CSMD1: variants seen among roughly 807,000 people sequenced by gnomAD.
CSMD1 encodes the protein CUB and sushi domain-containing protein 1.
CSMD1 carries 213 observed loss-of-function variants against 417.5 expected under a neutral mutation model. That is an observed-to-expected ratio of 0.51 (90% CI 0.46 to 0.57). CSMD1 has a LOEUF of 0.57. Ranked by LOEUF, CSMD1 falls within the 20% of genes least tolerant of loss-of-function variation. CSMD1 has a pLI of 0.00. For synonymous variants in CSMD1, 2,862 were observed against 1,736.8 expected (o/e 1.65, Z -16.11); for missense variants, 6,923 against 4,529.7 (o/e 1.53, Z -15.17).
intron 1 of CSMD1, among the ~76,000 whole-genome samples, chr8:4,730,592 T>A (rs1316257737): frequency 6.6e-6 from 1 of 151,834 alleles, no homozygotes; most frequent in African/African-American, 2.4e-5. Flanking sequence ...TACAAAAAAA[T>A]TAGCCGGGCG....
intron 1 of CSMD1, among the ~76,000 whole-genome samples, chr8:4,683,874 T>C (rs1806198356): frequency 6.6e-6 from 1 of 152,234 alleles, no homozygotes; most frequent in South Asian, 2.1e-4. Context: ...GGATCACTAA[T>C]TGTCAAGAAC....
intron 6 of CSMD1, among the ~76,000 whole-genome samples, chr8:3,730,201 G>C: frequency 6.6e-6 from 1 of 152,032 alleles, no homozygotes; most frequent in East Asian, 1.9e-4. Context: ...GGTAGGCAGA[G>C]AATGAGGCTT....
intron 2 of CSMD1, among the ~76,000 whole-genome samples, chr8:4,458,119 T>C (rs993598098): frequency 6.9e-6 from 1 of 144,652 alleles, no homozygotes; most frequent in Admixed American, 6.7e-5. Flanking sequence ...CATGAAACTT[T>C]CTGTGTTTAA....
intron 1 of CSMD1, among the ~76,000 whole-genome samples, chr8:4,835,298 G>T (rs909442502): frequency 6.6e-6 from 1 of 152,162 alleles, no homozygotes; most frequent in Non-Finnish European, 1.5e-5. Context: ...CGGAGATTAC[G>T]TTTGAAAAGA....
intron 23 of CSMD1, among the ~76,000 whole-genome samples, chr8:3,340,368 C>A (rs771395345): frequency 6.6e-6 from 1 of 152,084 alleles, no homozygotes; most frequent in Admixed American, 6.6e-5. Context: ...TGTTTGTACC[C>A]ATTTCTAAAA....
chr8:3,187,856 G>C lies in CSMD1; in HGVS notation c.5620+13C>G. The C allele has an allele frequency of 6.2e-7, 1 of 1,602,786 alleles. No homozygotes were observed. The highest frequency in any genetic ancestry group is 8.5e-7 in the Non-Finnish European group (1 of 1,170,960). The stretch of plus-strand genomic sequence containing the variant: ...TTTGAGTCACACAGGTGAGGAAATT[G>C]ACTCCATCTTACCTGAGAAGCTTCC... On this transcript the variant is annotated intron_variant, in intron 36 of 69. Transcript: ENST00000635120.
chr8:4,839,044 G>C (rs1563551422), intron 1 of CSMD1, among the ~76,000 whole-genome samples: 1 of 152,016 alleles, frequency 6.6e-6, no homozygotes, highest in Non-Finnish European at 1.5e-5. Flanking sequence ...TTTTGGAATT[G>C]GTTTTTTGCC....
chr8:3,897,329 G>A (rs979573398), intron 5 of CSMD1, among the ~76,000 whole-genome samples: 1 of 152,118 alleles, frequency 6.6e-6, no homozygotes, highest in Non-Finnish European at 1.5e-5. Flanking sequence ...ACTTGGGTCA[G>A]GTTTCTCTTA....
At chr8:3,681,633 C>T (rs983542611) in intron 7 of CSMD1, among the ~76,000 whole-genome samples, 2 of 152,156 alleles carry the variant, frequency 1.3e-5, no homozygotes, top group Admixed American at 6.5e-5. Context: ...TTTATAGATT[C>T]AATGCCATCC....
chr8:4,559,739 T>C (rs1358791117), intron 2 of CSMD1, among the ~76,000 whole-genome samples: 23 of 152,378 alleles, frequency 1.5e-4, no homozygotes, highest in Non-Finnish European at 1.8e-4. Flanking sequence ...CTTTCTGTTA[T>C]TTCACAAATA....
At chr8:3,842,641 T>C (rs1042576531) in intron 5 of CSMD1, among the ~76,000 whole-genome samples, 1 of 152,150 alleles carries the variant, frequency 6.6e-6, no homozygotes, top group African/African-American at 2.4e-5. Flanking sequence ...GTTTCTATTT[T>C]TTAGAACACT....
rs935041256 is a variant in CSMD1, at chr8:3,644,173, T to C, written c.1010-27376A>G. Among the ~76,000 whole-genome samples, 89 of 152,172 alleles carry C rather than the reference T, an allele frequency of 5.8e-4. 2 individuals carry two copies. Among genetic ancestry groups the C allele is most frequent in the Admixed American group, 5.8e-3 (88 of 15,272 alleles). ...AAATGTTAGGCCCCCAATGTAGACT[T>C]ACTGAATCAGAAACTCTAGGGGCGG... On this transcript the variant is annotated intron_variant, in intron 7 of 69. Coordinates refer to ENST00000635120, the MANE Select transcript of CSMD1 (RefSeq NM_033225.6).
At chr8:4,680,179 A>C (rs1378631154) in intron 1 of CSMD1, among the ~76,000 whole-genome samples, 1 of 152,236 alleles carries the variant, frequency 6.6e-6, no homozygotes, top group Non-Finnish European at 1.5e-5. Context: ...ACCTGTTCTT[A>C]GGAATTTCTT....
chr8:4,009,237 C>G (rs766913477), intron 4 of CSMD1, among the ~76,000 whole-genome samples: 1 of 152,174 alleles, frequency 6.6e-6, no homozygotes, highest in Non-Finnish European at 1.5e-5. Context: ...GAACTGATTT[C>G]TATTTCCTCC....
At chr8:4,556,448 C>A (rs187123313) in intron 2 of CSMD1, among the ~76,000 whole-genome samples, 10 of 152,278 alleles carry the variant, frequency 6.6e-5, no homozygotes, top group Admixed American at 6.5e-4. Context: ...ATCGCATCCA[C>A]ACTGTGCTCA....
intron 5 of CSMD1, among the ~76,000 whole-genome samples, chr8:3,913,297 T>C (rs970740896): frequency 1.3e-5 from 2 of 152,210 alleles, no homozygotes; most frequent in African/African-American, 4.8e-5. Flanking sequence ...CAAAGGATCC[T>C]GTGAGGACCA....
rs548453371 is a variant in CSMD1, at chr8:4,432,554, A to G, written c.303-12489T>C. On this transcript the variant is annotated intron_variant, in intron 2 of 69. Coordinates refer to ENST00000635120, the MANE Select transcript of CSMD1 (RefSeq NM_033225.6). ...ACTGTATTCTCACAACATCCATAAA[A>G]CACCCTTATGACTTAAAGACAGGCA... Among the ~76,000 whole-genome samples the G allele has an allele frequency of 2.0e-5, 3 of 152,250 alleles. No individual in the cohort carries two copies. In the South Asian group the frequency reaches 6.2e-4, roughly 32 times the overall value.
chr8:4,863,391 A>T (rs994620653), intron 1 of CSMD1, among the ~76,000 whole-genome samples: 4 of 152,124 alleles, frequency 2.6e-5, no homozygotes, highest in African/African-American at 9.7e-5. Context: ...TTAAGTAAAG[A>T]GAATGCCTTT....
intron 49 of CSMD1, among the ~76,000 whole-genome samples, chr8:3,066,115 G>A (rs1017036805): frequency 6.6e-6 from 1 of 152,196 alleles, no homozygotes; most frequent in Non-Finnish European, 1.5e-5. Flanking sequence ...ATTCAAAGGA[G>A]TGCGGGCCTA....
Sources: allele counts gnomAD v4.1 joint callset (sites outside exome capture counted in the v4.1 genomes callset), GRCh38; gene constraint gnomAD v4.1.1; transcripts MANE v1.5; gene names NCBI Gene and HGNC (gene_info 2026-07-23, HGNC 2026-07-21).